Variants in ARMC7 observed in about 807,000 individuals in gnomAD.
The protein encoded by ARMC7 is armadillo repeat containing 7, also known as armadillo repeat-containing protein 7.
A neutral mutation model predicts 14.8 loss-of-function variants in ARMC7; 9 were observed. That is an observed-to-expected ratio of 0.61 (90% CI 0.37 to 1.06). The LOEUF (loss-of-function observed/expected upper bound fraction) is 1.06. Ranked by LOEUF, ARMC7 falls within the 50% of genes least tolerant of loss-of-function variation. The pLI is 0.01. For synonymous variants in ARMC7, 125 were observed against 123.4 expected (o/e 1.01, Z -0.09); for missense variants, 262 against 267.1 (o/e 0.98, Z 0.13).
At chr17:75,128,166 C>T (rs2074065813) in intron 2 of ARMC7, among the ~76,000 whole-genome samples, 1 of 152,036 alleles carries the variant, frequency 6.6e-6, no homozygotes, top group Non-Finnish European at 1.5e-5. Flanking sequence ...CCTCCGAGTC[C>T]CAGGTTCAAG....
At position 75,128,663 on chromosome 17, in the gene ARMC7, T is replaced by C; in HGVS notation, c.236-14T>C. 6.2e-7 allele frequency: 1 copy of C among 1,603,972 alleles called. No individual in the cohort carries two copies. The highest frequency in any genetic ancestry group is 8.5e-7 in the Non-Finnish European group (1 of 1,173,880). ...GGGGCTACAGCATCCAGACTCTTCC[T>C]TGCTCTCCCACAGGAGGCCTGTGCA... On this transcript the variant is annotated splice_polypyrimidine_tract_variant and intron_variant, in intron 2 of 2. Coordinates refer to ENST00000245543, the MANE Select transcript of ARMC7 (RefSeq NM_024585.4).
chr17:75,122,103 G>T (rs946890058), intron 2 of ARMC7, among the ~76,000 whole-genome samples: 6 of 151,994 alleles, frequency 3.9e-5, no homozygotes, highest in Non-Finnish European at 5.9e-5. Context: ...GGAGGGCGAG[G>T]CAGGTGGATC....
At chr17:75,111,162 G>A (rs2145113257) in intron 2 of ARMC7, among the ~76,000 whole-genome samples, 1 of 151,546 alleles carries the variant, frequency 6.6e-6, no homozygotes, top group East Asian at 2.0e-4. Context: ...TTTGTAGCCG[G>A]GCGCGGTGGC....
intron 2 of ARMC7, among the ~76,000 whole-genome samples, chr17:75,122,218 C>T (rs2074018759): frequency 6.6e-6 from 1 of 151,798 alleles, no homozygotes; most frequent in South Asian, 2.1e-4. Context: ...CGCCTGTAAT[C>T]CCAGCTACTC....
chr17:75,125,299 C>G (rs2145133574), intron 2 of ARMC7, among the ~76,000 whole-genome samples: 1 of 152,274 alleles, frequency 6.6e-6, no homozygotes, highest in African/African-American at 2.4e-5. Context: ...AAGGGCTGCC[C>G]TGACATGGTA....
intron 2 of ARMC7, among the ~76,000 whole-genome samples, chr17:75,123,138 A>G (rs896337207): frequency 2.0e-5 from 3 of 150,748 alleles, no homozygotes; most frequent in Admixed American, 2.0e-4. Context: ...TCCTGAGTTC[A>G]AGCAATTCTC....
chr17:75,127,923 T>C (rs1202598214), intron 2 of ARMC7, among the ~76,000 whole-genome samples: 1 of 152,190 alleles, frequency 6.6e-6, no homozygotes, highest in Non-Finnish European at 1.5e-5. Context: ...GTTTTATTGC[T>C]ATATGATGGA....
At chr17:75,111,699 C>CT (rs2073924658) in intron 2 of ARMC7, among the ~76,000 whole-genome samples, 1 of 146,540 alleles carries the variant, frequency 6.8e-6, no homozygotes, top group South Asian at 2.1e-4. Context: ...GATTGGGCCA[C>CT]TGTACTCCAG....
At chr17:75,111,099 T>A (rs2073918720) in intron 2 of ARMC7, among the ~76,000 whole-genome samples, 1 of 151,968 alleles carries the variant, frequency 6.6e-6, no homozygotes. Context: ...CACTCCAGCC[T>A]GGGCGACAGA....
chr17:75,123,239 G>A (rs986237285), intron 2 of ARMC7, among the ~76,000 whole-genome samples: 1 of 147,098 alleles, frequency 6.8e-6, no homozygotes, highest in Non-Finnish European at 1.5e-5. Context: ...TAGTAGAGAC[G>A]GGGTTTCACT....
At chr17:75,118,480 G>A (rs1157905073) in intron 2 of ARMC7, among the ~76,000 whole-genome samples, 3 of 152,120 alleles carry the variant, frequency 2.0e-5, no homozygotes, top group Non-Finnish European at 4.4e-5. Context: ...TCTGTGTGGC[G>A]GTCTCTTTCT....
In ARMC7 at chr17:75,125,655, T is replaced by A. The variant is rs181392985; in HGVS notation, c.236-3022T>A. Among the ~76,000 whole-genome samples, 324 of 151,932 alleles carry A rather than the reference T, an allele frequency of 2.1e-3. 2 individuals are homozygous for A. Among genetic ancestry groups the A allele is most frequent in the African/African-American group, 7.5e-3 (309 of 41,404 alleles). On this transcript the variant is annotated intron_variant, in intron 2 of 2. Transcript: ENST00000245543. ...GAGTTTAAGACCAGCCTGGCTAACA[T>A]GGCGAAACCCTGTCTCTACTAAAAA...
chr17:75,122,519 G>A (rs541542393), intron 2 of ARMC7, among the ~76,000 whole-genome samples: 7 of 151,422 alleles, frequency 4.6e-5, no homozygotes, highest in Admixed American at 3.3e-4. Context: ...GTGCCACCAC[G>A]CCCAGCTAAT....
chr17:75,112,133 A>C (rs2073928240), intron 2 of ARMC7, among the ~76,000 whole-genome samples: 3 of 152,182 alleles, frequency 2.0e-5, no homozygotes, highest in African/African-American at 7.2e-5. Flanking sequence ...AACAGGAAGG[A>C]GCCAGACGGA....
intron 2 of ARMC7, among the ~76,000 whole-genome samples, chr17:75,127,720 A>C (rs1568019631): frequency 6.6e-6 from 1 of 152,144 alleles, no homozygotes; most frequent in African/African-American, 2.4e-5. Context: ...TCAGCCTCTC[A>C]AGTAGCTGAG....
rs994539903 is a variant in ARMC7 at position 75,116,824 on chromosome 17, G to A, written c.235+6218G>A. ...GGTGCAGACAGCTGCCCCTCGTCTG[G>A]CTGTCGCAGGCCAGGATGAGAATGC... On this transcript the variant is annotated intron_variant, in intron 2 of 2. Transcript: ENST00000245543. Among the ~76,000 whole-genome samples, 3 of 152,182 alleles carry A rather than the reference G, an allele frequency of 2.0e-5. No homozygotes were observed. The East Asian group carries it at 5.8e-4, about 29-fold the overall frequency.
chr17:75,125,583 A>T (rs1273995959), intron 2 of ARMC7, among the ~76,000 whole-genome samples: 14 of 152,128 alleles, frequency 9.2e-5, no homozygotes, highest in Non-Finnish European at 1.5e-5. Flanking sequence ...CACACCCGTA[A>T]TCCTAGCACT....
rs1385787595 is a variant in ARMC7 at position 75,130,134 on chromosome 17, G to A, written c.*1096G>A. 4.5e-6 allele frequency: 1 copy of A among 224,128 alleles called. No individual in the cohort carries two copies. Among genetic ancestry groups the A allele is most frequent in the Non-Finnish European group, 9.0e-6 (1 of 111,498 alleles). 13.9% of individuals were successfully genotyped at this position (224,128 alleles called of 1,614,324 possible). A position where few individuals can be genotyped will look rare whatever the true frequency, so the allele number is the denominator to read the frequency against. On this transcript the variant is annotated 3_prime_UTR_variant, in exon 3 of 3. Coordinates refer to ENST00000245543, the MANE Select transcript of ARMC7 (RefSeq NM_024585.4). ...TGGGCATGGAAATGGGGCAGATTAG[G>A]GGACCACTGGACTCAGAGGGGAGGG... is the stretch of plus-strand genomic sequence containing the variant.
chr17:75,113,161 T>C lies in ARMC7; in HGVS notation c.235+2555T>C, dbSNP rs530146097. Among the ~76,000 whole-genome samples the C allele has an allele frequency of 7.1e-4, 106 of 149,624 alleles. 1 individual carries two copies. The highest frequency in any genetic ancestry group is 2.6e-3 in the African/African-American group (106 of 40,600). On this transcript the variant is annotated intron_variant, in intron 2 of 2. Transcript: ENST00000245543. ...CTGCTTCAGCCTCCCGGGTATGGGA[T>C]TATAGGCGCCCGCCACCACGCCCGG...
Sources: gnomAD v4.1 joint callset for allele counts (sites outside exome capture counted in the v4.1 genomes callset) on GRCh38, gnomAD v4.1.1 for gene constraint, MANE v1.5 for transcripts, NCBI Gene and HGNC (gene_info 2026-07-23, HGNC 2026-07-21) for gene names.